LURAP1: variants seen among roughly 807,000 people sequenced by gnomAD.
The protein encoded by LURAP1 is leucine rich adaptor protein 1, also known as NF-kappa-B activator C1orf190.
A neutral mutation model predicts 19.0 loss-of-function variants in LURAP1; 14 were observed. The observed-to-expected ratio is 0.74, with a 90% CI of 0.49 to 1.15. LURAP1 has a LOEUF of 1.15. Among genes scored for constraint, LURAP1 ranks in the 50% most tolerant of loss-of-function variants. The probability of loss-of-function intolerance (pLI) is 0.00; values close to 1 mark genes in which losing one functional copy is unlikely to be tolerated. For synonymous variants in LURAP1, 129 were observed against 131.8 expected, an observed-to-expected ratio of 0.98 and a Z score of 0.14; for missense variants, 273 against 309.1, an observed-to-expected ratio of 0.88 and a Z score of 0.87.
chr1:46,208,881 G>A (rs922695300), intron 1 of LURAP1, among the ~76,000 whole-genome samples: 3 of 152,072 alleles, frequency 2.0e-5, no homozygotes, highest in African/African-American at 7.2e-5. Context: ...TAAAAGGCAT[G>A]AAGCCGTTAT....
Position 46,219,745 on chromosome 1 carries a change from C to T in LURAP1, c.245C>T (p.Thr82Ile). ...IDVKILQQLV[T>I]LNEGIEAVRW... is the part of the protein sequence containing the mutation. ...GTGAAGATCCTGCAGCAGCTGGTGA[C>T]CTTGAATGAGGGCATCGAGGCAGTG... The change falls in exon 2 of 2, where the codon ACC becomes ATC. Residue 82 changes from threonine to isoleucine, a missense_variant. Thr to Ile is a moderately conservative substitution (Grantham distance 89). Transcript: ENST00000371980. 6.2e-7 allele frequency: 1 copy of T among 1,611,392 alleles called. No homozygotes were observed. The highest frequency in any genetic ancestry group is 1.1e-5 in the South Asian group (1 of 90,540).
At position 46,216,043 on chromosome 1, in the gene LURAP1, C is replaced by CTTTTT. The variant is rs141982741; in HGVS notation, c.199-3637_199-3633dup. 3.5e-3 allele frequency among the ~76,000 whole-genome samples: 328 copies of CTTTTT among 92,560 alleles called. 3 individuals are homozygous for CTTTTT. The highest frequency in any genetic ancestry group is 3.9e-3 in the African/African-American group (90 of 23,248). The allele number at this position is 92,560 out of a possible 152,430, so 60.7% of individuals were successfully genotyped here. On this transcript the variant is annotated intron_variant, in intron 1 of 1. Coordinates refer to ENST00000371980, the MANE Select transcript of LURAP1 (RefSeq NM_001013615.3). Reference sequence around the variant, plus strand: ...AAAATAATTTCAACTTTTATTTTATCTTTTTTTTTTTTTTTTTTTTTTTGT... The same window carrying CTTTTT: ...AAAATAATTTCAACTTTTATTTTATCTTTTTTTTTTTTTTTTTTTTTTTTTTTTGT...
rs765693469 is a variant in LURAP1 at position 46,203,479 on chromosome 1, A to G, written c.53A>G (p.Lys18Arg). ...CCTGACCTGCGGGATGTGGAGGGTA[A>G]GGTGGGCAGGAAGACCCCTGAAGGG... is the stretch of plus-strand genomic sequence containing the variant. ...QTPDLRDVEGKVGRKTPEGLL... is the reference protein window; with the variant it reads ...QTPDLRDVEGRVGRKTPEGLL... Residue 18 changes from lysine (K) to arginine (R), a missense_variant, in exon 1 of 2, where the codon AAG becomes AGG. Transcript: ENST00000371980. The G allele has an allele frequency of 6.6e-7, 1 of 1,524,046 alleles. No homozygotes were observed. Among genetic ancestry groups the G allele is most frequent in the South Asian group, 1.3e-5 (1 of 79,446 alleles). The allele number at this position is 1,524,046 out of a possible 1,614,324, so 94.4% of individuals were successfully genotyped here.
At chr1:46,216,445 A>C (rs755634843) in intron 1 of LURAP1, among the ~76,000 whole-genome samples, 1 of 152,052 alleles carries the variant, frequency 6.6e-6, no homozygotes, top group Non-Finnish European at 1.5e-5. Context: ...AGGCTCAAGC[A>C]ATCCTCTCAC....
At chr1:46,214,294 C>T (rs949948522) in intron 1 of LURAP1, among the ~76,000 whole-genome samples, 1 of 149,866 alleles carries the variant, frequency 6.7e-6, no homozygotes, top group Non-Finnish European at 1.5e-5. Context: ...TGCAGTGAGC[C>T]GAGATCGTGC....
At chr1:46,213,505 G>A (rs943758807) in intron 1 of LURAP1, among the ~76,000 whole-genome samples, 1 of 151,914 alleles carries the variant, frequency 6.6e-6, no homozygotes, top group Non-Finnish European at 1.5e-5. Flanking sequence ...GAATAGAACA[G>A]AAGGTCTCTA....
chr1:46,219,744 A>G lies in LURAP1; in HGVS notation c.244A>G (p.Thr82Ala). The change falls in exon 2 of 2, where the codon ACC (threonine) becomes GCC (alanine). Residue 82 changes from threonine (T) to alanine (A), a missense_variant. Physicochemically the swap from Thr to Ala is moderately conservative, Grantham distance 58. Transcript: ENST00000371980. ...TGTGAAGATCCTGCAGCAGCTGGTG[A>G]CCTTGAATGAGGGCATCGAGGCAGT... ...IDVKILQQLVTLNEGIEAVRW... is the reference protein window; with the variant it reads ...IDVKILQQLVALNEGIEAVRW... 1 of 1,610,640 alleles carries G rather than the reference A, an allele frequency of 6.2e-7. No homozygotes were observed. Among genetic ancestry groups the G allele is most frequent in the South Asian group, 1.1e-5 (1 of 90,524 alleles).
chr1:46,208,988 A>T (rs1658809048), intron 1 of LURAP1, among the ~76,000 whole-genome samples: 1 of 152,252 alleles, frequency 6.6e-6, no homozygotes, highest in African/African-American at 2.4e-5. Context: ...AAAAATGCTC[A>T]GTCCCGAGCC....
At position 46,220,456 on chromosome 1, in the gene LURAP1, G is replaced by T; in HGVS notation, c.*236G>T. 2.0e-6 allele frequency: 1 copy of T among 489,936 alleles called. No individual in the cohort carries two copies. 30.3% of individuals were successfully genotyped at this position (489,936 alleles called of 1,614,324 possible). ...TCTTTCTTTCTTTTTTTGAGACAGG[G>T]TCTTATGCTGTTACCCAAGATAGAG... On this transcript the variant is annotated 3_prime_UTR_variant, in exon 2 of 2. Transcript: ENST00000371980.
chr1:46,206,791 G>A (rs1294297304), intron 1 of LURAP1, among the ~76,000 whole-genome samples: 3 of 152,188 alleles, frequency 2.0e-5, no homozygotes, highest in Admixed American at 1.3e-4. Flanking sequence ...GAGAATCACA[G>A]AACTGAATGT....
chr1:46,216,663 AG>A (rs369322458), intron 1 of LURAP1, among the ~76,000 whole-genome samples: 1 of 152,060 alleles, frequency 6.6e-6, no homozygotes, highest in Non-Finnish European at 1.5e-5. Flanking sequence ...TTAGATTCGG[AG>A]GGGGGTACCT....
At chr1:46,203,799 A>G (rs1347974868) in intron 1 of LURAP1, among the ~76,000 whole-genome samples, 175 bp downstream of exon 1, 2 of 152,130 alleles carry the variant, frequency 1.3e-5, no homozygotes, top group African/African-American at 4.8e-5. Flanking sequence ...AGTGACGTCC[A>G]TTACTTGTCC....
At position 46,220,211 on chromosome 1, in the gene LURAP1, C is replaced by T. The variant is rs767944407; in HGVS notation, c.711C>T (p.Thr237=). 21 of 1,605,296 alleles carry T rather than the reference C, an allele frequency of 1.3e-5. No homozygotes were observed. In the African/African-American group the frequency reaches 2.3e-4, roughly 17 times the overall value. ...GGGAGCAGTGCCAGGATGATGTGAC[C>T]TTCTTGTAACAACTATTCCACCCTT... The part of the protein sequence containing the change: ...WFWEQCQDDV[T]FL The change falls in exon 2 of 2, where the codon ACC becomes ACT. Residue 237 remains threonine, a synonymous_variant. Coordinates refer to ENST00000371980, the MANE Select transcript of LURAP1 (RefSeq NM_001013615.3).
intron 1 of LURAP1, among the ~76,000 whole-genome samples, chr1:46,209,440 AG>A (rs1658823957): frequency 1.3e-5 from 2 of 152,316 alleles, no homozygotes; most frequent in Admixed American, 1.3e-4. Flanking sequence ...AATGTTTAAA[AG>A]TCATATTCTA....
rs1659200431 is a variant in LURAP1 at position 46,220,271 on chromosome 1, G to A, written c.*51G>A. On this transcript the variant is annotated 3_prime_UTR_variant, in exon 2 of 2. Transcript: ENST00000371980. ...TGTGGCTCTTTTATCCATTAGATGT[G>A]GTCTCCCCCAAAATTGATTCTCCCT... The A allele has an allele frequency of 6.6e-7, 1 of 1,522,590 alleles. No individual in the cohort carries two copies. The highest frequency in any genetic ancestry group is 1.3e-5 in the South Asian group (1 of 77,486). The allele number at this position is 1,522,590 out of a possible 1,614,324, so 94.3% of individuals were successfully genotyped here.
Position 46,203,508 on chromosome 1 carries a change from C to T in LURAP1, c.82C>T (p.Leu28Phe). ...KVGRKTPEGL[L>F]RGLRGECELG... ...GGGCAGGAAGACCCCTGAAGGGCTG[C>T]TCCGCGGGCTGCGAGGCGAGTGTGA... The change falls in exon 1 of 2, where the codon CTC (leucine) becomes TTC (phenylalanine). Residue 28 changes from leucine to phenylalanine, a missense_variant. By Grantham distance (22) the Leu-to-Phe change is conservative (BLOSUM62 0). Coordinates refer to ENST00000371980, the MANE Select transcript of LURAP1 (RefSeq NM_001013615.3). 6.4e-7 allele frequency: 1 copy of T among 1,559,488 alleles called. No individual in the cohort carries two copies. Among genetic ancestry groups the T allele is most frequent in the Non-Finnish European group, 8.7e-7 (1 of 1,154,612 alleles).
chr1:46,220,451 A>T lies in LURAP1; in HGVS notation c.*231A>T. ...TTCTTTCTTTCTTTCTTTTTTTGAG[A>T]CAGGGTCTTATGCTGTTACCCAAGA... On this transcript the variant is annotated 3_prime_UTR_variant, in exon 2 of 2. Transcript: ENST00000371980. The T allele has an allele frequency of 3.9e-6, 2 of 518,952 alleles. No homozygotes were observed. The highest frequency in any genetic ancestry group is 6.8e-6 in the Non-Finnish European group (2 of 293,912). The allele number at this position is 518,952 out of a possible 1,614,324, so 32.1% of individuals were successfully genotyped here.
In LURAP1 at chr1:46,219,674, C is replaced by A. The variant is rs770049366; in HGVS notation, c.199-25C>A. 39 of 1,548,816 alleles carry A rather than the reference C, an allele frequency of 2.5e-5. No homozygotes were observed. The East Asian group carries it at 7.9e-4, about 31-fold the overall frequency. Reference sequence around the variant, plus strand: ...GGAAACCCATGCCCCAGAACTGGGACTAATTCCTTCTCCCACTCCCCCAGG... The same window carrying A: ...GGAAACCCATGCCCCAGAACTGGGAATAATTCCTTCTCCCACTCCCCCAGG... On this transcript the variant is annotated intron_variant, in intron 1 of 1. Coordinates refer to ENST00000371980, the MANE Select transcript of LURAP1 (RefSeq NM_001013615.3).
rs1658708651 is a variant in LURAP1, at chr1:46,206,179, G to A, written c.198+2555G>A. Among the ~76,000 whole-genome samples the A allele has an allele frequency of 2.0e-5, 3 of 152,198 alleles. No individual in the cohort carries two copies. In the South Asian group the frequency reaches 6.2e-4, roughly 32 times the overall value. ...AAGCTTTAGGCAAGGAAGAATGCAC[G>A]GGTTCAAGTCTTGGCTCTGCTTCTG... On this transcript the variant is annotated intron_variant, in intron 1 of 1. Coordinates refer to ENST00000371980, the MANE Select transcript of LURAP1 (RefSeq NM_001013615.3).
Sources: allele counts gnomAD v4.1 joint callset (sites outside exome capture counted in the v4.1 genomes callset), GRCh38; gene constraint gnomAD v4.1.1; transcripts MANE v1.5; gene names NCBI Gene and HGNC (gene_info 2026-07-23, HGNC 2026-07-21).